TMIGD3: variants seen among roughly 807,000 people sequenced by gnomAD.
TMIGD3 encodes the protein transmembrane and immunoglobulin domain containing 3.
TMIGD3 carries 21 observed loss-of-function variants against 28.1 expected under a neutral mutation model. The observed-to-expected ratio is 0.75, with a 90% CI of 0.53 to 1.08. The LOEUF (loss-of-function observed/expected upper bound fraction) is 1.08, where lower values mean the gene tolerates loss of function less well. TMIGD3 is among the 50% of genes least tolerant of loss of function. TMIGD3 has a pLI of 0.00. For missense variants in TMIGD3, 416 were observed against 435.6 expected, an observed-to-expected ratio of 0.96 and a Z score of 0.40; for synonymous variants, 151 against 162.1, an observed-to-expected ratio of 0.93 and a Z score of 0.52.
At chr1:111,508,848 G>C (rs1458404340) in intron 1 of TMIGD3, among the ~76,000 whole-genome samples, 1 of 152,218 alleles carries the variant, frequency 6.6e-6, no homozygotes, top group Non-Finnish European at 1.5e-5. Flanking sequence ...TGTAATCTCA[G>C]CACTTTGGGA....
At chr1:111,504,663 C>T (rs1655413793), upstream of TMIGD3, among the ~76,000 whole-genome samples, 1 of 152,156 alleles carries the variant, frequency 6.6e-6, no homozygotes, top group South Asian at 2.1e-4. Context: ...ATATGTACAG[C>T]CCAAAATAAA....
Position 111,499,677 on chromosome 1 carries a change from G to T in TMIGD3, c.350+3328C>A. 4 of 1,221,506 alleles carry T rather than the reference G, an allele frequency of 3.3e-6. No individual in the cohort carries two copies. In the South Asian group the frequency reaches 5.9e-5, roughly 18 times the overall value. 75.7% of individuals were successfully genotyped at this position (1,221,506 alleles called of 1,614,324 possible). On this transcript the variant is annotated intron_variant, in intron 1 of 5. Coordinates refer to ENST00000369716, the MANE Select transcript of TMIGD3 (RefSeq NM_020683.7). ...GCTCCATGACTTATTCTTCTATTGG[G>T]AAGAAGGAAAACAGACAATAATATC...
rs1337583058 is a variant in TMIGD3, at chr1:111,489,147, CT to C, written c.458-124del. The stretch of plus-strand genomic sequence containing the variant: ...AAGAATCGGAGGCTGATTTTTGCCT[CT>C]TTTTGATTGGCAACTATTATGGGCT... On this transcript the variant is annotated intron_variant, in intron 2 of 5. Transcript: ENST00000369716. 6 of 966,370 alleles carry C rather than the reference CT, an allele frequency of 6.2e-6. No individual in the cohort carries two copies. In the Admixed American group the frequency reaches 8.5e-5, roughly 14 times the overall value. The allele number at this position is 966,370 out of a possible 1,614,324, so 59.9% of individuals were successfully genotyped here. A position where few individuals can be genotyped will look rare whatever the true frequency, so the allele number is the denominator to read the frequency against.
At chr1:111,500,880 C>G (rs1261585987) in intron 1 of TMIGD3, 1 of 449,148 alleles carries the variant, frequency 2.2e-6, no homozygotes, top group Non-Finnish European at 3.9e-6. Context: ...CAGGGCTCCA[C>G]TTACTGAGAG....
intron 1 of TMIGD3, among the ~76,000 whole-genome samples, chr1:111,520,861 AATAAAT>A (rs1449426160): frequency 6.6e-6 from 1 of 152,264 alleles, no homozygotes; most frequent in East Asian, 1.9e-4. Context: ...ATTAGCATGC[AATAAAT>A]TGCATATATT....
At chr1:111,546,131 T>A (rs867568465) in intron 1 of TMIGD3, among the ~76,000 whole-genome samples, 1 of 152,188 alleles carries the variant, frequency 6.6e-6, no homozygotes, top group African/African-American at 2.4e-5. Flanking sequence ...GATTTTAGGA[T>A]CTGCTTGTCC....
At chr1:111,548,840 T>C (rs1020707085) in intron 1 of TMIGD3, among the ~76,000 whole-genome samples, 5 of 152,220 alleles carry the variant, frequency 3.3e-5, no homozygotes, top group East Asian at 1.9e-4. Flanking sequence ...AAATGTGATG[T>C]TTGTTCTTGC....
At chr1:111,536,962 T>A (rs1476482800) in intron 1 of TMIGD3, among the ~76,000 whole-genome samples, 1 of 152,246 alleles carries the variant, frequency 6.6e-6, no homozygotes, top group Non-Finnish European at 1.5e-5. Flanking sequence ...GCACCAGTCA[T>A]GCCATCAGGA....
upstream of TMIGD3, among the ~76,000 whole-genome samples, chr1:111,508,008 C>A (rs1400122058): frequency 6.6e-6 from 1 of 152,212 alleles, no homozygotes; most frequent in African/African-American, 2.4e-5. Context: ...CCACTGAGGC[C>A]AATCCAAGGA....
chr1:111,526,042 GT>G (rs1169626441), intron 1 of TMIGD3, among the ~76,000 whole-genome samples: 1 of 151,470 alleles, frequency 6.6e-6, no homozygotes, highest in Non-Finnish European at 1.5e-5. Flanking sequence ...CTGTTCTTGG[GT>G]TCTTTTTCCT....
rs934045709 is a variant in TMIGD3, at chr1:111,503,419, T to C, written c.-65A>G. On this transcript the variant is annotated 5_prime_UTR_variant, in exon 1 of 6. Coordinates refer to ENST00000369716, the MANE Select transcript of TMIGD3 (RefSeq NM_020683.7). ...CAGCAAGATCCGTCTGTAGGGCCAG[T>C]GGGCCTAGCTCTCGCCAGACGTCTT... The C allele has an allele frequency of 1.3e-5, 20 of 1,529,498 alleles. No homozygotes were observed. The highest frequency in any genetic ancestry group is 4.1e-5 in the African/African-American group (3 of 73,382). The allele number at this position is 1,529,498 out of a possible 1,614,324, so 94.7% of individuals were successfully genotyped here.
At chr1:111,506,928 C>T (rs61074211), upstream of TMIGD3, among the ~76,000 whole-genome samples, 213 of 63,378 alleles carry the variant, frequency 3.4e-3, no homozygotes, top group East Asian at 0.021. Context: ...TATATATATA[C>T]ACACACACAC....
chr1:111,496,127 G>A (rs1424887820), intron 1 of TMIGD3, among the ~76,000 whole-genome samples: 1 of 152,052 alleles, frequency 6.6e-6, no homozygotes, highest in Non-Finnish European at 1.5e-5. Context: ...TGGCAAACCT[G>A]CACAGGTATC....
intron 1 of TMIGD3, among the ~76,000 whole-genome samples, chr1:111,532,134 T>C (rs1325463602): frequency 1.2e-5 from 1 of 86,112 alleles, no homozygotes; most frequent in Non-Finnish European, 2.8e-5. Flanking sequence ...CTTAAGGTAG[T>C]TTTCTCACAT....
At chr1:111,553,302 T>C (rs1410276718) in intron 1 of TMIGD3, among the ~76,000 whole-genome samples, 1 of 152,208 alleles carries the variant, frequency 6.6e-6, no homozygotes, top group East Asian at 1.9e-4. Context: ...ATTCCTCAGC[T>C]CTGGCAAAAA....
intron 1 of TMIGD3, among the ~76,000 whole-genome samples, chr1:111,549,309 C>CTTT (rs767231547): frequency 2.4e-5 from 3 of 125,612 alleles, no homozygotes; most frequent in South Asian, 2.6e-4. Context: ...CAGTCATGGG[C>CTTT]TTTTTTTTTT....
Position 111,503,427 on chromosome 1 carries a change from G to GCT in TMIGD3, c.-75_-74dup. 18 of 1,513,106 alleles carry GCT rather than the reference G, an allele frequency of 1.2e-5. No homozygotes were observed. Among genetic ancestry groups the GCT allele is most frequent in the Non-Finnish European group, 1.6e-5 (18 of 1,125,334 alleles). The allele number at this position is 1,513,106 out of a possible 1,614,324, so 93.7% of individuals were successfully genotyped here. On this transcript the variant is annotated 5_prime_UTR_variant, in exon 1 of 6. An upstream open reading frame in the 5' UTR loses its in-frame stop. Coordinates refer to ENST00000369716, the MANE Select transcript of TMIGD3 (RefSeq NM_020683.7). ...TCCGTCTGTAGGGCCAGTGGGCCTA[G>GCT]CTCTCGCCAGACGTCTTCCCAGAGG...
At chr1:111,563,833 T>C (rs1232534352) in intron 1 of TMIGD3, 4 of 1,607,542 alleles carry the variant, frequency 2.5e-6, no homozygotes, top group Non-Finnish European at 3.4e-6. Flanking sequence ...CTATATTTTC[T>C]GCTATGACTC....
chr1:111,541,372 T>A (rs1469685928), intron 1 of TMIGD3, among the ~76,000 whole-genome samples: 1 of 152,212 alleles, frequency 6.6e-6, no homozygotes, highest in Non-Finnish European at 1.5e-5. Context: ...AAGGTCTATA[T>A]AAGGAAGCTA....
Sources: gnomAD v4.1 joint callset for allele counts (sites outside exome capture counted in the v4.1 genomes callset) on GRCh38, gnomAD v4.1.1 for gene constraint, MANE v1.5 for transcripts, NCBI Gene and HGNC (gene_info 2026-07-23, HGNC 2026-07-21) for gene names.